GLDC: variants seen among roughly 807,000 people sequenced by gnomAD.
GLDC encodes the protein glycine decarboxylase.
A neutral mutation model predicts 121.3 loss-of-function variants in GLDC; 104 were observed. The ratio of observed to expected loss-of-function variants is 0.86; its 90% CI spans 0.73 to 1.01. The LOEUF is 1.01. Ranked by LOEUF, GLDC falls within the 50% of genes least tolerant of loss-of-function variation. The probability of loss-of-function intolerance (pLI) is 0.00; values close to 1 mark genes in which losing one functional copy is unlikely to be tolerated. For missense variants in GLDC, 1,429 were observed against 1,306.6 expected (o/e 1.09, Z -1.44); for synonymous variants, 546 against 480.6 (o/e 1.14, Z -1.78).
chr9:6,561,718 T>C (rs1467605451), intron 16 of GLDC, among the ~76,000 whole-genome samples: 5 of 152,180 alleles, frequency 3.3e-5, no homozygotes, highest in Non-Finnish European at 2.9e-5. Flanking sequence ...TTTTGGTTTA[T>C]CCAAAGCAAA....
chr9:6,582,175 A>ACTG (rs1344828825), intron 15 of GLDC, among the ~76,000 whole-genome samples: 2 of 137,404 alleles, frequency 1.5e-5, no homozygotes, highest in African/African-American at 5.5e-5. Flanking sequence ...AGATTGCTCC[A>ACTG]CTGCACTCCA....
chr9:6,635,633 C>T (rs868415403), intron 2 of GLDC, among the ~76,000 whole-genome samples: 7 of 152,026 alleles, frequency 4.6e-5, no homozygotes, highest in Non-Finnish European at 7.4e-5. Flanking sequence ...AGCATGTTGG[C>T]AGACCAAAAT....
In GLDC at chr9:6,555,963, T is replaced by G. The variant is rs149596639; in HGVS notation, c.2202+190A>C. Among the ~76,000 whole-genome samples, 970 of 152,284 alleles carry G rather than the reference T, an allele frequency of 6.4e-3. 14 individuals carry two copies. The highest frequency in any genetic ancestry group is 0.022 in the African/African-American group (934 of 41,548). On this transcript the variant is annotated intron_variant, in intron 18 of 24. Transcript: ENST00000321612. ...GGATTGGGCCCTTTGAGCCCCCATTTCACAGCTGATAAAGCTGATGCCAGG... is the reference window on the plus strand; with the variant it reads ...GGATTGGGCCCTTTGAGCCCCCATTGCACAGCTGATAAAGCTGATGCCAGG...
intron 4 of GLDC, among the ~76,000 whole-genome samples, chr9:6,608,740 C>T (rs568889871): frequency 2.6e-5 from 4 of 151,374 alleles, no homozygotes; most frequent in Non-Finnish European, 4.4e-5. Context: ...AGCGAGACTC[C>T]GTCTCAAATA....
At position 6,645,416 on chromosome 9, in the gene GLDC, C is replaced by T. The variant is rs1259938806; in HGVS notation, c.84G>A (p.Pro28=). The T allele has an allele frequency of 1.5e-6, 2 of 1,354,686 alleles. No individual in the cohort carries two copies. Among genetic ancestry groups the T allele is most frequent in the South Asian group, 2.0e-5 (1 of 49,450 alleles). The allele number at this position is 1,354,686 out of a possible 1,614,324, so 83.9% of individuals were successfully genotyped here. ...GGRRLAGGSG[P]CWAPRSRDSS... is the part of the protein sequence containing the mutation. ...TGTCCCGGCTCCGCGGCGCCCAGCA[C>T]GGCCCCGATCCCCCAGCCAGGCGGC... The change falls in exon 1 of 25, where the codon CCG becomes CCA. Residue 28 remains proline, a synonymous_variant. Transcript: ENST00000321612.
At chr9:6,562,052 C>G (rs1817769368) in intron 16 of GLDC, among the ~76,000 whole-genome samples, 1 of 152,186 alleles carries the variant, frequency 6.6e-6, no homozygotes, top group African/African-American at 2.4e-5. Flanking sequence ...AGACTCTGAA[C>G]AGCAAACCTA....
intron 2 of GLDC, chr9:6,639,608 C>T: frequency 1.4e-6 from 1 of 690,908 alleles, no homozygotes; most frequent in Non-Finnish European, 2.6e-6. Context: ...TTGGGATCAT[C>T]TAAACTGAGT....
chr9:6,620,999 C>T (rs953787019), intron 2 of GLDC, among the ~76,000 whole-genome samples: 5 of 152,094 alleles, frequency 3.3e-5, no homozygotes, highest in African/African-American at 1.2e-4. Context: ...GAAACCCCGT[C>T]TCTACCAAAA....
rs74737859 is a variant in GLDC at position 6,597,395 on chromosome 9, G to A, written c.1156-2276C>T. On this transcript the variant is annotated intron_variant, in intron 8 of 24. Coordinates refer to ENST00000321612, the MANE Select transcript of GLDC (RefSeq NM_000170.3). The stretch of plus-strand genomic sequence containing the variant: ...GGTGAGTTACATCTCAATAAAAAAA[G>A]CTAATAAAGTGTAAATTATTCTTTA... 6.2e-4 allele frequency among the ~76,000 whole-genome samples: 95 copies of A among 152,264 alleles called. No individual in the cohort carries two copies. In the East Asian group the frequency reaches 0.017, roughly 27 times the overall value.
intron 2 of GLDC, among the ~76,000 whole-genome samples, chr9:6,625,755 AGC>A (rs1374221783): frequency 6.6e-6 from 1 of 151,858 alleles, no homozygotes; most frequent in Non-Finnish European, 1.5e-5. Flanking sequence ...TAGTAGCCCT[AGC>A]TGTTATGTTC....
At chr9:6,639,010 G>GA (rs34196324) in intron 2 of GLDC, 121,532 of 376,742 alleles carry the variant, frequency 0.32, 7,762 homozygotes, top group East Asian at 0.44. Context: ...CTCTGTCTCA[G>GA]AAAAAAAAAA....
At chr9:6,611,424 CA>C (rs1818851791) in intron 3 of GLDC, among the ~76,000 whole-genome samples, 1 of 151,902 alleles carries the variant, frequency 6.6e-6, no homozygotes, top group Non-Finnish European at 1.5e-5. Context: ...GGCGTGGTGG[CA>C]CGTGCCTGTA....
chr9:6,621,332 A>T (rs1309776759), intron 2 of GLDC, among the ~76,000 whole-genome samples: 2 of 152,222 alleles, frequency 1.3e-5, no homozygotes, highest in Admixed American at 1.3e-4. Flanking sequence ...TTTGACATTT[A>T]TTGAACATTA....
At chr9:6,554,938 A>G (rs1817591863) in intron 18 of GLDC, 157 bp from the exon 19 acceptor site, 1 of 688,978 alleles carries the variant, frequency 1.5e-6, no homozygotes, top group African/African-American at 1.8e-5. Flanking sequence ...ATACTGGCCC[A>G]GTTCCGTAGT....
chr9:6,610,265 C>G lies in GLDC; in HGVS notation c.562G>C (p.Gly188Arg), dbSNP rs776741850. ...NYQTMVCDIT[G>R]LDMANASLLD... ...AGGGATGCATTGGCCATGTCCAGGC[C>G]TGTGATGTCACACACCATGGTCTGG... The change falls in exon 4 of 25, where the codon GGC becomes CGC. Residue 188 changes from glycine (G) to arginine (R), a missense_variant. By Grantham distance (125) the Gly-to-Arg change is moderately radical. Coordinates refer to ENST00000321612, the MANE Select transcript of GLDC (RefSeq NM_000170.3). 5.0e-6 allele frequency: 8 copies of G among 1,614,062 alleles called. No homozygotes were observed. The highest frequency in any genetic ancestry group is 5.9e-6 in the Non-Finnish European group (7 of 1,179,956).
intron 3 of GLDC, among the ~76,000 whole-genome samples, chr9:6,611,133 G>A (rs1563860224): frequency 6.6e-6 from 1 of 152,202 alleles, no homozygotes; most frequent in Middle Eastern, 3.2e-3. Flanking sequence ...AAGAGTCCAT[G>A]GCAGTTAACT....
Position 6,587,130 on chromosome 9 carries a change from A to C in GLDC, c.1850+11T>G. The C allele has an allele frequency of 6.2e-7, 1 of 1,609,128 alleles. No homozygotes were observed. The highest frequency in any genetic ancestry group is 8.5e-7 in the Non-Finnish European group (1 of 1,176,424). On this transcript the variant is annotated intron_variant, in intron 15 of 24. Coordinates refer to ENST00000321612, the MANE Select transcript of GLDC (RefSeq NM_000170.3). ...AGATTGCTGAAACAATAAGAAAAGA[A>C]ATGCCCTTACCTGTTTGGCTGGAAA...
intron 2 of GLDC, among the ~76,000 whole-genome samples, chr9:6,620,520 T>C (rs1265223442): frequency 1.3e-5 from 2 of 151,862 alleles, no homozygotes; most frequent in Non-Finnish European, 2.9e-5. Context: ...ACTCAATTTC[T>C]CCTCAAGGTT....
intron 6 of GLDC, 23 bp from the exon 7 acceptor site, chr9:6,604,807 G>C: frequency 6.3e-7 from 1 of 1,596,082 alleles, no homozygotes; most frequent in East Asian, 2.2e-5. Context: ...TGAGAGAAAA[G>C]GAACAAGGTT....
Sources: allele counts gnomAD v4.1 joint callset (sites outside exome capture counted in the v4.1 genomes callset), GRCh38; gene constraint gnomAD v4.1.1; transcripts MANE v1.5; gene names NCBI Gene and HGNC (gene_info 2026-07-23, HGNC 2026-07-21).